Variants in RIN3 observed in about 807,000 individuals in gnomAD.
The protein encoded by RIN3 is Ras and Rab interactor 3.
RIN3 carries 54 observed loss-of-function variants against 76.3 expected under a neutral mutation model. The observed-to-expected ratio is 0.71, with a 90% confidence interval of 0.57 to 0.89. The LOEUF (loss-of-function observed/expected upper bound fraction) is 0.89, where lower values mean the gene tolerates loss of function less well. RIN3 is among the 40% of genes least tolerant of loss of function. The pLI is 0.00. For synonymous variants in RIN3, 576 were observed against 564.0 expected (o/e 1.02, Z -0.30); for missense variants, 1,256 against 1,322.1 (o/e 0.95, Z 0.78).
At chr14:92,584,225 A>C (rs2402172) in intron 3 of RIN3, among the ~76,000 whole-genome samples, 44,089 of 152,128 alleles carry the variant, frequency 0.29, 8,226 homozygotes, top group African/African-American at 0.51. Context: ...CTCAGGTGAC[A>C]TGCCATCTGA....
chr14:92,587,205 G>A (rs1029547348), intron 3 of RIN3, among the ~76,000 whole-genome samples: 2 of 152,206 alleles, frequency 1.3e-5, no homozygotes, highest in African/African-American at 4.8e-5. Context: ...TGACTGTGTG[G>A]GAGCTGAACA....
At chr14:92,622,983 A>G (rs944794702) in intron 4 of RIN3, among the ~76,000 whole-genome samples, 1 of 152,246 alleles carries the variant, frequency 6.6e-6, no homozygotes, top group Non-Finnish European at 1.5e-5. Flanking sequence ...GAACTAGGGA[A>G]GGTTTTGTTA....
At chr14:92,592,219 T>C (rs1595440555) in intron 3 of RIN3, among the ~76,000 whole-genome samples, 1 of 152,088 alleles carries the variant, frequency 6.6e-6, no homozygotes, top group African/African-American at 2.4e-5. Context: ...CTGGCCAACA[T>C]GGTGAAACCA....
At chr14:92,567,029 C>T (rs1478160794) in intron 2 of RIN3, among the ~76,000 whole-genome samples, 2 of 152,150 alleles carry the variant, frequency 1.3e-5, no homozygotes, top group Admixed American at 6.5e-5. Flanking sequence ...CAAACGTGGC[C>T]TGGAGGTCAC....
chr14:92,614,656 C>T (rs558833990), intron 3 of RIN3, among the ~76,000 whole-genome samples: 38 of 152,014 alleles, frequency 2.5e-4, no homozygotes, highest in African/African-American at 8.4e-4. Flanking sequence ...ATAAGGCTCA[C>T]GAGATCTGAT....
At chr14:92,529,351 C>T (rs983125905) in intron 1 of RIN3, among the ~76,000 whole-genome samples, 9 of 151,736 alleles carry the variant, frequency 5.9e-5, no homozygotes, top group Admixed American at 1.3e-4. Flanking sequence ...CCATTTCACA[C>T]GATTCTCCTG....
At chr14:92,664,661 A>T (rs10146539) in intron 7 of RIN3, among the ~76,000 whole-genome samples, 5 of 151,988 alleles carry the variant, frequency 3.3e-5, no homozygotes, top group African/African-American at 9.7e-5. Flanking sequence ...TGAGCCACTG[A>T]GCCCGGCCAT....
chr14:92,550,983 T>C (rs953607321), intron 1 of RIN3, among the ~76,000 whole-genome samples: 11 of 152,348 alleles, frequency 7.2e-5, no homozygotes, highest in Non-Finnish European at 1.6e-4. Flanking sequence ...TCTCTATCTG[T>C]TTTGTTACAT....
intron 1 of RIN3, chr14:92,515,459 T>G: frequency 1.9e-6 from 1 of 517,028 alleles, no homozygotes; most frequent in Non-Finnish European, 3.4e-6. Flanking sequence ...GGTCGGTTAT[T>G]TAAACTCTCT....
chr14:92,559,999 C>T (rs1348588513), intron 2 of RIN3, among the ~76,000 whole-genome samples: 7 of 152,240 alleles, frequency 4.6e-5, no homozygotes, highest in African/African-American at 7.2e-5. Flanking sequence ...TGCAGGTCTG[C>T]TTCTTCCAAA....
intron 4 of RIN3, among the ~76,000 whole-genome samples, chr14:92,618,563 A>G (rs529076113): frequency 2.0e-5 from 3 of 152,352 alleles, no homozygotes; most frequent in African/African-American, 7.2e-5. Context: ...GTGAAAATAC[A>G]CTATAGCATA....
intron 1 of RIN3, among the ~76,000 whole-genome samples, chr14:92,534,725 G>T (rs969684026): frequency 6.6e-6 from 1 of 152,036 alleles, no homozygotes; most frequent in Non-Finnish European, 1.5e-5. Context: ...CAGGCAGGGG[G>T]TCTCTGCTGG....
At position 92,676,522 on chromosome 14, in the gene RIN3, C is replaced by A; in HGVS notation, c.2383C>A (p.Leu795Met). The part of the protein sequence containing the change: ...DDFLPVLMYV[L>M]ARSNLTEMLL... ...CTTCCTGCCTGTGCTCATGTATGTG[C>A]TGGCCCGCAGCAACCTCACGGAGAT... The change falls in exon 8 of 10, where the codon CTG becomes ATG. Residue 795 changes from leucine to methionine, a missense_variant. Around this residue, in one of 3 missense-constraint regions of RIN3, gnomAD observed 428 missense variants for 521.2 expected, o/e 0.82. Transcript: ENST00000216487. 6.2e-7 allele frequency: 1 copy of A among 1,614,158 alleles called. No homozygotes were observed. Among genetic ancestry groups the A allele is most frequent in the Non-Finnish European group, 8.5e-7 (1 of 1,180,028 alleles).
chr14:92,644,815 C>T (rs562393704), intron 5 of RIN3: 2 of 152,318 alleles, frequency 1.3e-5, no homozygotes, highest in African/African-American at 4.8e-5. Context: ...CATGGGCAGG[C>T]TTGGGCCCTG....
intron 3 of RIN3, among the ~76,000 whole-genome samples, chr14:92,603,756 G>A (rs1012653569): frequency 6.6e-6 from 1 of 152,128 alleles, no homozygotes; most frequent in Non-Finnish European, 1.5e-5. Context: ...CAGCAGTGCT[G>A]GCAGCCCTGG....
At chr14:92,564,881 A>G (rs762909533) in intron 2 of RIN3, among the ~76,000 whole-genome samples, 4 of 152,192 alleles carry the variant, frequency 2.6e-5, no homozygotes, top group Non-Finnish European at 5.9e-5. Context: ...TTGTTCCCAG[A>G]GAGGAGAGAG....
rs1885925302 is a variant in RIN3, at chr14:92,615,537, C to A, written c.440+58C>A. 2.1e-5 allele frequency: 30 copies of A among 1,445,580 alleles called. No homozygotes were observed. In the South Asian group the frequency reaches 3.2e-4, roughly 15 times the overall value. 89.5% of individuals were successfully genotyped at this position (1,445,580 alleles called of 1,614,324 possible). A position where few individuals can be genotyped will look rare whatever the true frequency, so the allele number is the denominator to read the frequency against. On this transcript the variant is annotated intron_variant, in intron 4 of 9. Transcript: ENST00000216487. The stretch of plus-strand genomic sequence containing the variant: ...GGTTGTAGCAAACATCACATGCAAC[C>A]CTGGGTGGGTGCAGGGGACTTCACA...
chr14:92,635,559 T>C (rs1886742774), intron 4 of RIN3, among the ~76,000 whole-genome samples: 1 of 152,118 alleles, frequency 6.6e-6, no homozygotes, highest in Admixed American at 6.6e-5. Context: ...TCAATAGAAA[T>C]ACTAGCTTGA....
At position 92,643,596 on chromosome 14, in the gene RIN3, C is replaced by T. The variant is rs1887092582; in HGVS notation, c.532+2267C>T. ...TTCGATGACACCGACCATTGCAGAGCACTTGGCATTGTCTTATGTCATTTT... is the reference window on the plus strand; with the variant it reads ...TTCGATGACACCGACCATTGCAGAGTACTTGGCATTGTCTTATGTCATTTT... On this transcript the variant is annotated intron_variant, in intron 5 of 9. Coordinates refer to ENST00000216487, the MANE Select transcript of RIN3 (RefSeq NM_024832.5). This position sits in a 1 kb window ranked among gnomAD's most constrained non-coding sequence, Gnocchi z 4.8. Among the ~76,000 whole-genome samples, 1 of 152,126 alleles carries T rather than the reference C, an allele frequency of 6.6e-6. No homozygotes were observed. The highest frequency in any genetic ancestry group is 1.5e-5 in the Non-Finnish European group (1 of 68,032).
Sources: allele counts gnomAD v4.1 joint callset (sites outside exome capture counted in the v4.1 genomes callset), GRCh38; gene constraint gnomAD v4.1.1; regional missense constraint gnomAD v4.1.1; non-coding constraint Gnocchi (gnomAD v3.1); transcripts MANE v1.5; gene names NCBI Gene and HGNC (gene_info 2026-07-23, HGNC 2026-07-21).